The following PITPNC1 variants were observed in gnomAD, a reference collection of about 807,000 sequenced individuals.
PITPNC1 encodes the protein cytoplasmic phosphatidylinositol transfer protein 1.
A neutral mutation model predicts 44.7 loss-of-function variants in PITPNC1; 18 were observed. The ratio of observed to expected loss-of-function variants is 0.40; its 90% CI spans 0.28 to 0.60. The LOEUF is 0.60. Among genes scored for constraint, PITPNC1 ranks in the 20% least tolerant of loss-of-function variants. The pLI is 0.39. For missense variants in PITPNC1, 290 were observed against 418.4 expected, an observed-to-expected ratio of 0.69 and a Z score of 2.68; for synonymous variants, 141 against 149.6, an observed-to-expected ratio of 0.94 and a Z score of 0.42.
In PITPNC1 at chr17:67,403,835, A is replaced by G. The variant is rs372570034; in HGVS notation, c.48+25633A>G. Reference sequence around the variant, plus strand: ...TCAGGAGTTTGAGACCAGGCTGGCCAACATCCTGAAACCCTGTCTCCACTA... The same window carrying G: ...TCAGGAGTTTGAGACCAGGCTGGCCGACATCCTGAAACCCTGTCTCCACTA... On this transcript the variant is annotated intron_variant, in intron 1 of 8. Coordinates refer to ENST00000581322, the MANE Select transcript of PITPNC1 (RefSeq NM_012417.4). Among the ~76,000 whole-genome samples, 405 of 152,248 alleles carry G rather than the reference A, an allele frequency of 2.7e-3. 4 individuals carry two copies. In the Middle Eastern group the frequency reaches 0.027, roughly 10 times the overall value.
chr17:67,396,812 A>G (rs2038226906), intron 1 of PITPNC1, among the ~76,000 whole-genome samples: 1 of 151,102 alleles, frequency 6.6e-6, no homozygotes, highest in Non-Finnish European at 1.5e-5. Context: ...GTGCCACTAC[A>G]CTGGGCTAAT....
chr17:67,629,676 G>A (rs910963335), intron 5 of PITPNC1, among the ~76,000 whole-genome samples: 4 of 152,208 alleles, frequency 2.6e-5, no homozygotes, highest in East Asian at 1.9e-4. Flanking sequence ...ACTGGCTCTC[G>A]CAAACAGTGT....
intron 8 of PITPNC1, among the ~76,000 whole-genome samples, chr17:67,677,458 T>C (rs541023804): frequency 7.9e-5 from 12 of 151,828 alleles, no homozygotes; most frequent in African/African-American, 2.9e-4. Flanking sequence ...AGGCAGGATA[T>C]AGGAAGAAAA....
In PITPNC1 at chr17:67,687,063, C is replaced by T. The variant is rs76483260; in HGVS notation, c.683-5509C>T. 5 of 1,566,566 alleles carry T rather than the reference C, an allele frequency of 3.2e-6. No individual in the cohort carries two copies. The African/African-American group carries it at 6.7e-5, about 21-fold the overall frequency. ...AAGTTGCCAACATCTTGACCTCTTT[C>T]AGATATGACAATGGATGATGTTCGG... On this transcript the variant is annotated intron_variant, in intron 8 of 8. Coordinates refer to ENST00000581322, the MANE Select transcript of PITPNC1 (RefSeq NM_012417.4).
chr17:67,517,743 G>A (rs190572420), intron 1 of PITPNC1, among the ~76,000 whole-genome samples: 15 of 152,332 alleles, frequency 9.8e-5, no homozygotes, highest in Middle Eastern at 3.4e-3. Context: ...TGGTTGCTGG[G>A]ACTGGGAGGA....
intron 2 of PITPNC1, among the ~76,000 whole-genome samples, chr17:67,546,585 G>A (rs973987364): frequency 2.6e-4 from 39 of 152,178 alleles, no homozygotes; most frequent in African/African-American, 5.5e-4. Flanking sequence ...GTCCTGTGTC[G>A]CCTTGCCAGG....
At chr17:67,512,293 G>A (rs1474603126) in intron 1 of PITPNC1, among the ~76,000 whole-genome samples, 4 of 152,200 alleles carry the variant, frequency 2.6e-5, no homozygotes, top group Non-Finnish European at 5.9e-5. Context: ...GAGGTCAGGA[G>A]TTTGAGGCCA....
At chr17:67,633,744 G>C (rs1313062857) in intron 6 of PITPNC1, among the ~76,000 whole-genome samples, 1 of 152,244 alleles carries the variant, frequency 6.6e-6, no homozygotes, top group Non-Finnish European at 1.5e-5. Context: ...GTGCTTAATG[G>C]GGCTCTGATG....
At chr17:67,646,667 C>G (rs2042153333) in intron 6 of PITPNC1, among the ~76,000 whole-genome samples, 1 of 152,142 alleles carries the variant, frequency 6.6e-6, no homozygotes, top group African/African-American at 2.4e-5. Flanking sequence ...GCACATGCCA[C>G]CACACCAGCT....
chr17:67,445,001 T>G (rs959545331), intron 1 of PITPNC1, among the ~76,000 whole-genome samples: 1 of 62,914 alleles, frequency 1.6e-5, no homozygotes, highest in Non-Finnish European at 3.4e-5. Flanking sequence ...GATGTTTATA[T>G]GTCTTGTTTT....
chr17:67,407,988 C>T (rs922677181), intron 1 of PITPNC1, among the ~76,000 whole-genome samples: 1 of 151,886 alleles, frequency 6.6e-6, no homozygotes, highest in Non-Finnish European at 1.5e-5. Context: ...CAGAGTCTTG[C>T]TCTGTTGCCC....
intron 1 of PITPNC1, among the ~76,000 whole-genome samples, chr17:67,531,245 A>G (rs2040457371): frequency 6.6e-6 from 1 of 152,228 alleles, no homozygotes; most frequent in Non-Finnish European, 1.5e-5. Flanking sequence ...CCTGTCTCAA[A>G]CAAACAAAAA....
intron 1 of PITPNC1, among the ~76,000 whole-genome samples, chr17:67,511,451 G>A (rs567340461): frequency 6.6e-6 from 1 of 152,242 alleles, no homozygotes; most frequent in East Asian, 1.9e-4. Flanking sequence ...TAACCATTTT[G>A]TTCTTCCACC....
At chr17:67,570,187 G>C (rs962730159) in intron 4 of PITPNC1, among the ~76,000 whole-genome samples, 32 of 152,186 alleles carry the variant, frequency 2.1e-4, no homozygotes, top group African/African-American at 7.7e-4. Context: ...ATCTAGGAAA[G>C]AAAAGAGTTC....
chr17:67,389,628 A>G (rs1156752896), intron 1 of PITPNC1, among the ~76,000 whole-genome samples: 2 of 152,110 alleles, frequency 1.3e-5, no homozygotes, highest in Non-Finnish European at 2.9e-5. Flanking sequence ...GAACCATTGA[A>G]TTGGTATGTA....
chr17:67,447,411 A>G (rs2039114133), intron 1 of PITPNC1, among the ~76,000 whole-genome samples: 1 of 152,008 alleles, frequency 6.6e-6, no homozygotes, highest in Non-Finnish European at 1.5e-5. Flanking sequence ...TAAGTCCTCA[A>G]TAAACCCTGT....
At chr17:67,610,328 C>T (rs1323786288) in intron 5 of PITPNC1, among the ~76,000 whole-genome samples, 1 of 152,200 alleles carries the variant, frequency 6.6e-6, no homozygotes, top group African/African-American at 2.4e-5. Context: ...TTAAGCTGCC[C>T]CTCAGGCTCT....
intron 1 of PITPNC1, among the ~76,000 whole-genome samples, chr17:67,397,700 G>T (rs868690575): frequency 7.2e-5 from 11 of 152,156 alleles, no homozygotes; most frequent in South Asian, 2.1e-4. Flanking sequence ...ACACGTTTGG[G>T]TGTGTCCCAT....
intron 1 of PITPNC1, among the ~76,000 whole-genome samples, chr17:67,414,643 G>T (rs1485772687): frequency 3.3e-5 from 5 of 152,180 alleles, no homozygotes; most frequent in African/African-American, 1.2e-4. Context: ...GAGTTGAGTA[G>T]TGGCCATATG....
Sources: allele counts gnomAD v4.1 joint callset (sites outside exome capture counted in the v4.1 genomes callset), GRCh38; gene constraint gnomAD v4.1.1; transcripts MANE v1.5; gene names NCBI Gene and HGNC (gene_info 2026-07-23, HGNC 2026-07-21).